STXBP6: variants seen among roughly 807,000 people sequenced by gnomAD.
STXBP6 encodes the protein syntaxin-binding protein 6.
In STXBP6, 21 loss-of-function variants were observed where a neutral mutation model predicts 26.9. The ratio of observed to expected loss-of-function variants is 0.78; its 90% CI spans 0.55 to 1.12. The LOEUF is 1.12. Ranked by LOEUF, STXBP6 falls within the 50% of genes most tolerant of loss-of-function variation. STXBP6 has a pLI of 0.00. For missense variants in STXBP6, 232 were observed against 257.9 expected (o/e 0.90, Z 0.69); for synonymous variants, 97 against 92.6 (o/e 1.05, Z -0.27).
intron 2 of STXBP6, among the ~76,000 whole-genome samples, chr14:24,865,983 C>A (rs1481651871): frequency 6.6e-6 from 1 of 152,028 alleles, no homozygotes; most frequent in Non-Finnish European, 1.5e-5. Flanking sequence ...TAACAAGAGT[C>A]ACAGTTGTAA....
chr14:25,046,640 G>T (rs910027824), intron 1 of STXBP6, among the ~76,000 whole-genome samples: 3 of 152,100 alleles, frequency 2.0e-5, no homozygotes, highest in Non-Finnish European at 2.9e-5. Flanking sequence ...TTCTTCCTTA[G>T]GATGTTATTG....
chr14:24,995,011 C>CA (rs34166172), intron 1 of STXBP6: 4,219 of 96,386 alleles, frequency 0.044, 99 homozygotes, highest in African/African-American at 0.063. Flanking sequence ...GACTCCATGT[C>CA]AAAAAAAAAA....
chr14:25,026,151 T>G (rs1277901717), intron 1 of STXBP6, among the ~76,000 whole-genome samples: 2 of 152,176 alleles, frequency 1.3e-5, no homozygotes, highest in African/African-American at 4.8e-5. Flanking sequence ...AGAAAGAGGA[T>G]AAATGTCTTA....
intron 5 of STXBP6, among the ~76,000 whole-genome samples, chr14:24,814,650 T>A (rs2138677155): frequency 6.6e-6 from 1 of 152,384 alleles, no homozygotes; most frequent in East Asian, 1.9e-4. Context: ...TTTTGCTATT[T>A]GAGTATTGGC....
chr14:24,954,725 TA>T (rs1254348516), intron 2 of STXBP6, among the ~76,000 whole-genome samples: 3 of 152,168 alleles, frequency 2.0e-5, no homozygotes, highest in African/African-American at 7.2e-5. Context: ...GAGGCTGACA[TA>T]AGGCAGTAAA....
chr14:24,905,210 C>CA (rs1408866114), intron 2 of STXBP6, among the ~76,000 whole-genome samples: 1 of 152,138 alleles, frequency 6.6e-6, no homozygotes, highest in East Asian at 1.9e-4. Flanking sequence ...CTGTTTATTC[C>CA]AAAGTCCCTA....
intron 2 of STXBP6, among the ~76,000 whole-genome samples, chr14:24,909,916 A>G (rs764119962): frequency 1.5e-4 from 23 of 151,806 alleles, no homozygotes; most frequent in Non-Finnish European, 2.8e-4. Context: ...CCTGCCACCA[A>G]CTAGCAAGTA....
chr14:24,935,564 G>A (rs2072565015), intron 2 of STXBP6, among the ~76,000 whole-genome samples: 1 of 152,118 alleles, frequency 6.6e-6, no homozygotes, highest in Non-Finnish European at 1.5e-5. Context: ...GTGTGGTGAA[G>A]TTTCAAAAGG....
chr14:24,952,668 T>C (rs2073208998), intron 2 of STXBP6, among the ~76,000 whole-genome samples: 1 of 152,198 alleles, frequency 6.6e-6, no homozygotes, highest in Admixed American at 6.5e-5. Flanking sequence ...ATTTAAAGTA[T>C]TGTTATACAA....
chr14:24,966,163 C>T (rs1299709624), intron 2 of STXBP6, among the ~76,000 whole-genome samples: 1 of 152,156 alleles, frequency 6.6e-6, no homozygotes, highest in Non-Finnish European at 1.5e-5. Flanking sequence ...GCACTAGCCT[C>T]TGTTAAGAGT....
intron 1 of STXBP6, among the ~76,000 whole-genome samples, chr14:25,028,235 G>A (rs947960352): frequency 1.3e-5 from 2 of 152,308 alleles, no homozygotes; most frequent in Middle Eastern, 3.4e-3. Flanking sequence ...ATGCCATTTA[G>A]GACTTCCATA....
chr14:25,044,170 CAAAA>C (rs768658907), intron 1 of STXBP6, among the ~76,000 whole-genome samples: 6 of 53,324 alleles, frequency 1.1e-4, no homozygotes, highest in Non-Finnish European at 1.7e-4. Flanking sequence ...GACTCTGCCT[CAAAA>C]AAAAAAAAAA....
chr14:24,849,983 A>G lies in STXBP6; in HGVS notation c.451+5953T>C, dbSNP rs575283511. Among the ~76,000 whole-genome samples the G allele has an allele frequency of 5.1e-4, 77 of 152,268 alleles. 1 individual carries two copies. Among genetic ancestry groups the G allele is most frequent in the African/African-American group, 1.6e-3 (66 of 41,556 alleles). ...GTAGGAGTGTGAGGTTCACACTCCAAAGTCTTTATTCATTGACAGAGTTAA... is the reference window on the plus strand; with the variant it reads ...GTAGGAGTGTGAGGTTCACACTCCAGAGTCTTTATTCATTGACAGAGTTAA... On this transcript the variant is annotated intron_variant, in intron 4 of 5. Transcript: ENST00000323944.
intron 1 of STXBP6, among the ~76,000 whole-genome samples, chr14:25,008,392 G>A (rs2074952418): frequency 1.3e-5 from 2 of 152,116 alleles, no homozygotes; most frequent in South Asian, 2.1e-4. Flanking sequence ...GCTGAAGTGG[G>A]AGGATTGCTT....
intron 2 of STXBP6, among the ~76,000 whole-genome samples, chr14:24,948,430 C>G (rs939323311): frequency 3.3e-5 from 5 of 152,222 alleles, no homozygotes; most frequent in African/African-American, 9.6e-5. Flanking sequence ...TAGGGCAGCA[C>G]TCTGTGGCAT....
chr14:24,814,857 GT>G (rs1211667301), intron 5 of STXBP6, among the ~76,000 whole-genome samples: 1 of 152,160 alleles, frequency 6.6e-6, no homozygotes, highest in Non-Finnish European at 1.5e-5. Context: ...TGATGAGGAG[GT>G]GCCATCTATG....
chr14:24,897,823 T>G (rs1243352554), intron 2 of STXBP6, among the ~76,000 whole-genome samples: 1 of 152,178 alleles, frequency 6.6e-6, no homozygotes, highest in Non-Finnish European at 1.5e-5. Flanking sequence ...CTATGACCAC[T>G]TAATTGCTGT....
intron 5 of STXBP6, among the ~76,000 whole-genome samples, chr14:24,815,440 T>A (rs576701009): frequency 2.7e-5 from 4 of 150,208 alleles, no homozygotes; most frequent in Non-Finnish European, 5.9e-5. Context: ...AATAAAATCA[T>A]GTATTTTATT....
At chr14:24,877,794 C>A (rs1566436404) in intron 2 of STXBP6, among the ~76,000 whole-genome samples, 1 of 152,186 alleles carries the variant, frequency 6.6e-6, no homozygotes, top group South Asian at 2.1e-4. Flanking sequence ...GGATTACACA[C>A]TTAAAGAGCA....
Sources: allele counts gnomAD v4.1 joint callset (sites outside exome capture counted in the v4.1 genomes callset), GRCh38; gene constraint gnomAD v4.1.1; transcripts MANE v1.5; gene names NCBI Gene and HGNC (gene_info 2026-07-23, HGNC 2026-07-21).